ABCC1: variants seen among roughly 807,000 people sequenced by gnomAD.
ABCC1 encodes the protein ATP binding cassette subfamily C member 1 (ABCC1 blood group), also known as multidrug resistance-associated protein 1.
A neutral mutation model predicts 172.9 loss-of-function variants in ABCC1; 83 were observed. That is an observed-to-expected ratio of 0.48 (90% confidence interval 0.40 to 0.58). ABCC1 has a LOEUF of 0.58. ABCC1 is among the 20% of genes least tolerant of loss of function. The pLI, the probability that ABCC1 is intolerant of heterozygous loss-of-function variation, is 0.00. For missense variants in ABCC1, 1,817 were observed against 2,002.7 expected, an observed-to-expected ratio of 0.91 and a Z score of 1.77; for synonymous variants, 937 against 825.2, an observed-to-expected ratio of 1.14 and a Z score of -2.32.
In ABCC1 at chr16:16,102,634, G is replaced by C. The variant is rs754421259; in HGVS notation, c.2652G>C (p.Thr884=). 6.3e-7 allele frequency: 1 copy of C among 1,580,648 alleles called. No individual in the cohort carries two copies. Among genetic ancestry groups the C allele is most frequent in the South Asian group, 1.2e-5 (1 of 86,144 alleles). The part of the protein sequence containing the change: ...QEQDAEENGV[T]GVSGPGKEAK... ...TTGTCTCTCTTCTGCCAGGGGTCAC[G>C]GGCGTCAGCGGTCCAGGGAAGGAAG... The change falls in exon 20 of 31, where the codon ACG becomes ACC. Residue 884 remains threonine, a synonymous_variant. Coordinates refer to ENST00000399410, the MANE Select transcript of ABCC1 (RefSeq NM_004996.4).
At chr16:16,073,908 C>T (rs938613628) in intron 14 of ABCC1, among the ~76,000 whole-genome samples, 4 of 152,340 alleles carry the variant, frequency 2.6e-5, no homozygotes, top group African/African-American at 9.6e-5. Flanking sequence ...GGTTATACCG[C>T]GTGAGCTGTG....
intron 24 of ABCC1, among the ~76,000 whole-genome samples, chr16:16,123,933 C>T (rs574876879): frequency 2.6e-5 from 4 of 152,130 alleles, no homozygotes; most frequent in African/African-American, 4.8e-5. Flanking sequence ...AGGAGGATCA[C>T]TGGAACTTGG....
chr16:16,113,762 C>T (rs1314779639), intron 22 of ABCC1, among the ~76,000 whole-genome samples: 3 of 152,336 alleles, frequency 2.0e-5, no homozygotes, highest in East Asian at 1.9e-4. Context: ...TCTAAAACAG[C>T]GATCCCTAGC....
intron 7 of ABCC1, among the ~76,000 whole-genome samples, chr16:16,042,412 C>T (rs970108051): frequency 1.3e-5 from 2 of 152,110 alleles, no homozygotes; most frequent in African/African-American, 4.8e-5. Context: ...TGTACAAGAA[C>T]GAACTATTGG....
chr16:15,978,670 G>C (rs2046548877), intron 1 of ABCC1, among the ~76,000 whole-genome samples: 1 of 152,116 alleles, frequency 6.6e-6, no homozygotes, highest in Non-Finnish European at 1.5e-5. Flanking sequence ...ATGAATGGGT[G>C]GGCCGGTGGT....
chr16:16,071,844 C>A, intron 14 of ABCC1, 115 bp downstream of exon 14: 1 of 931,748 alleles, frequency 1.1e-6, no homozygotes, highest in Non-Finnish European at 1.7e-6. Context: ...TCTGCCCAGC[C>A]GCTTGTCTGC....
intron 1 of ABCC1, among the ~76,000 whole-genome samples, chr16:16,002,211 C>T (rs1289647242): frequency 6.6e-6 from 1 of 152,116 alleles, no homozygotes; most frequent in Admixed American, 6.6e-5. Flanking sequence ...GCGGGATGAT[C>T]TTTAAAATCT....
chr16:16,101,634 G>T (rs1034854766), intron 19 of ABCC1, among the ~76,000 whole-genome samples: 10 of 152,172 alleles, frequency 6.6e-5, no homozygotes, highest in Non-Finnish European at 1.3e-4. Context: ...CAGCCCTGTG[G>T]TGCCTTACAT....
intron 1 of ABCC1, among the ~76,000 whole-genome samples, chr16:15,966,411 A>AG (rs1431257526): frequency 6.7e-6 from 1 of 148,498 alleles, no homozygotes; most frequent in Non-Finnish European, 1.5e-5. Context: ...CTTTATCTTA[A>AG]AAAAAAAAAA....
chr16:16,006,426 A>G (rs987524515), intron 1 of ABCC1, among the ~76,000 whole-genome samples: 1 of 24,812 alleles, frequency 4.0e-5, no homozygotes, highest in Admixed American at 4.2e-4. Context: ...TCAAAAAAAG[A>G]AAAAAAAAAG....
chr16:15,969,063 C>G (rs1215240334), intron 1 of ABCC1, among the ~76,000 whole-genome samples: 1 of 151,976 alleles, frequency 6.6e-6, no homozygotes, highest in Non-Finnish European at 1.5e-5. Flanking sequence ...CAAAAATTAA[C>G]TGTGGTGGCG....
chr16:16,134,624 TC>T, intron 28 of ABCC1, 116 bp downstream of exon 28: 32 of 485,032 alleles, frequency 6.6e-5, no homozygotes, highest in South Asian at 2.1e-4. Flanking sequence ...ACTTCATCGT[TC>T]TTTTTTTTTT....
chr16:16,006,877 CGGTGAT>C (rs1177563955), intron 1 of ABCC1, among the ~76,000 whole-genome samples: 3 of 149,392 alleles, frequency 2.0e-5, no homozygotes, highest in African/African-American at 4.9e-5. Flanking sequence ...GTGGCGGTGG[CGGTGAT>C]GGTGGTGGTG....
intron 7 of ABCC1, among the ~76,000 whole-genome samples, chr16:16,043,536 G>A (rs1350005807): frequency 1.3e-5 from 2 of 151,742 alleles, no homozygotes; most frequent in East Asian, 3.9e-4. Flanking sequence ...CCGACCTCAG[G>A]TGATCTGCCC....
At chr16:16,055,815 C>G (rs1596434710) in intron 11 of ABCC1, among the ~76,000 whole-genome samples, 1 of 151,006 alleles carries the variant, frequency 6.6e-6, no homozygotes, top group East Asian at 2.0e-4. Context: ...ATTACAGGGT[C>G]AGCTCTCCCA....
intron 12 of ABCC1, among the ~76,000 whole-genome samples, chr16:16,065,077 ATTACTGTGC>A (rs1177226615): frequency 6.6e-6 from 1 of 152,178 alleles, no homozygotes; most frequent in Non-Finnish European, 1.5e-5. Context: ...GCCCTGGGGC[ATTACTGTGC>A]CCATTCATAG....
At chr16:15,994,449 A>G (rs2046983587) in intron 1 of ABCC1, among the ~76,000 whole-genome samples, 2 of 152,170 alleles carry the variant, frequency 1.3e-5, no homozygotes, top group African/African-American at 4.8e-5. Context: ...TGGAAAGCTT[A>G]AATGGACTGT....
At chr16:16,098,851 C>G (rs1193769768) in intron 19 of ABCC1, 2 of 1,352,020 alleles carry the variant, frequency 1.5e-6, no homozygotes, top group Admixed American at 1.9e-5. Context: ...TTAACAATAT[C>G]TTGGGTCTTC....
rs1209738361 is a variant in ABCC1, at chr16:16,071,693, G to C, written c.1876G>C (p.Glu626Gln). Residue 626 changes from glutamate to glutamine, a missense_variant, in exon 14 of 31, where the codon GAA (glutamate) becomes CAA (glutamine). Coordinates refer to ENST00000399410, the MANE Select transcript of ABCC1 (RefSeq NM_004996.4). ...GATCTTTCTCTCCCATGAGGAGCTG[G>C]AACCTGACAGCATCGAGCGACGGCC... ...LRIFLSHEEL[E>Q]PDSIERRPVK... The C allele has an allele frequency of 1.2e-6, 2 of 1,613,892 alleles. No individual in the cohort carries two copies. Among genetic ancestry groups the C allele is most frequent in the Admixed American group, 3.3e-5 (2 of 59,978 alleles).
Sources: gnomAD v4.1 joint callset for allele counts (sites outside exome capture counted in the v4.1 genomes callset) on GRCh38, gnomAD v4.1.1 for gene constraint, MANE v1.5 for transcripts, NCBI Gene and HGNC (gene_info 2026-07-23, HGNC 2026-07-21) for gene names.